The following PDLIM5 variants were observed in gnomAD, a reference collection of about 807,000 sequenced individuals.
PDLIM5 encodes the protein PDZ and LIM domain 5.
Under a neutral mutation model 64.2 loss-of-function variants are expected in PDLIM5, and 34 were observed. That is an observed-to-expected ratio of 0.53 (90% CI 0.40 to 0.71). The LOEUF is 0.71. PDLIM5 is among the 30% of genes least tolerant of loss of function. The probability of loss-of-function intolerance (pLI) is 0.00; values close to 1 mark genes in which losing one functional copy is unlikely to be tolerated. For synonymous variants in PDLIM5, 253 were observed against 269.1 expected, an observed-to-expected ratio of 0.94 and a Z score of 0.59; for missense variants, 683 against 733.6, an observed-to-expected ratio of 0.93 and a Z score of 0.80.
intron 7 of PDLIM5, among the ~76,000 whole-genome samples, chr4:94,589,562 A>G (rs1578430620): frequency 1.3e-5 from 2 of 152,182 alleles, no homozygotes; most frequent in Non-Finnish European, 2.9e-5. Context: ...CAAAAATTAT[A>G]AAAGCTTCTT....
chr4:94,494,432 G>GGTT (rs1553940971), intron 2 of PDLIM5, among the ~76,000 whole-genome samples: 3 of 70,768 alleles, frequency 4.2e-5, no homozygotes, highest in South Asian at 9.3e-4. Flanking sequence ...TTTTTTTCTT[G>GGTT]TTTTTTTTTT....
chr4:94,469,903 T>C (rs1724696414), intron 2 of PDLIM5, among the ~76,000 whole-genome samples: 1 of 152,014 alleles, frequency 6.6e-6, no homozygotes, highest in Non-Finnish European at 1.5e-5. Context: ...AACACATACA[T>C]GATTTTTTTT....
intron 9 of PDLIM5, among the ~76,000 whole-genome samples, chr4:94,644,944 T>G (rs113413611): frequency 0.034 from 5,169 of 152,228 alleles, 314 homozygotes; most frequent in African/African-American, 0.12. Context: ...CATAGGTTTT[T>G]GGGGAACAGG....
chr4:94,457,238 CTTTAA>C (rs2126074161), intron 2 of PDLIM5: 1 of 800,788 alleles, frequency 1.2e-6, no homozygotes, highest in East Asian at 1.3e-4. Context: ...TTAAAGTTAT[CTTTAA>C]TTTATCATCA....
intron 2 of PDLIM5, among the ~76,000 whole-genome samples, chr4:94,479,623 G>A (rs1036079766): frequency 2.2e-4 from 33 of 151,980 alleles, no homozygotes; most frequent in African/African-American, 8.0e-4. Flanking sequence ...GAGCCACTGC[G>A]CCTGGCCAGA....
intron 8 of PDLIM5, among the ~76,000 whole-genome samples, chr4:94,636,963 A>G (rs1353944809): frequency 2.0e-5 from 3 of 152,214 alleles, no homozygotes; most frequent in Middle Eastern, 3.2e-3. Context: ...AAGACTTGGG[A>G]GAAGAAAATG....
chr4:94,610,670 C>T (rs1392347973), intron 7 of PDLIM5, among the ~76,000 whole-genome samples: 4 of 152,074 alleles, frequency 2.6e-5, no homozygotes, highest in Non-Finnish European at 5.9e-5. Context: ...TCTTCTCCCA[C>T]GACCTTTAAA....
intron 3 of PDLIM5, among the ~76,000 whole-genome samples, chr4:94,572,742 T>C (rs1282015161): frequency 6.6e-6 from 1 of 152,240 alleles, no homozygotes; most frequent in Non-Finnish European, 1.5e-5. Context: ...GCATGGTCAT[T>C]GCCTTCTCTG....
intron 3 of PDLIM5, among the ~76,000 whole-genome samples, chr4:94,524,945 A>G (rs1005558621): frequency 3.3e-5 from 5 of 152,186 alleles, no homozygotes; most frequent in Non-Finnish European, 5.9e-5. Flanking sequence ...TAGCTTGATC[A>G]TATACGAGGT....
chr4:94,555,257 A>C (rs1460292882), intron 3 of PDLIM5, among the ~76,000 whole-genome samples: 1 of 151,414 alleles, frequency 6.6e-6, no homozygotes, highest in Non-Finnish European at 1.5e-5. Context: ...TTTCCCCGCC[A>C]TGTTGGCCAG....
chr4:94,579,124 A>T (rs1156774305), intron 5 of PDLIM5: 2 of 154,354 alleles, frequency 1.3e-5, no homozygotes, highest in Non-Finnish European at 2.9e-5. Flanking sequence ...GTCTGTAAGC[A>T]TTCCTGTTCC....
intron 2 of PDLIM5, among the ~76,000 whole-genome samples, chr4:94,479,330 CTTT>C (rs34176254): frequency 2.3e-5 from 3 of 130,976 alleles, no homozygotes; most frequent in African/African-American, 2.9e-5. Flanking sequence ...AGCTTTGAGA[CTTT>C]TTTTTTTTTT....
chr4:94,510,337 C>A (rs1329191638), intron 2 of PDLIM5, among the ~76,000 whole-genome samples: 1 of 152,058 alleles, frequency 6.6e-6, no homozygotes, highest in African/African-American at 2.4e-5. Context: ...TTTGGAAGAT[C>A]TGTGTAAATA....
At chr4:94,650,860 G>A (rs1001984082) in intron 9 of PDLIM5, among the ~76,000 whole-genome samples, 1 of 151,262 alleles carries the variant, frequency 6.6e-6, no homozygotes, top group Admixed American at 6.6e-5. Flanking sequence ...GATAAACAGG[G>A]TGAAAAGTTT....
Position 94,539,621 on chromosome 4 carries a change from G to A in PDLIM5, c.248+15746G>A, listed in dbSNP as rs142375476. On this transcript the variant is annotated intron_variant, in intron 3 of 12. Coordinates refer to ENST00000317968, the MANE Select transcript of PDLIM5 (RefSeq NM_006457.5). ...GACAATATTTATAATACAGGTGGAC[G>A]ATTCTCAGAATGTAGGTATGTACAA... Among the ~76,000 whole-genome samples, 801 of 152,312 alleles carry A rather than the reference G, an allele frequency of 5.3e-3. 7 individuals are homozygous for A. The highest frequency in any genetic ancestry group is 0.018 in the African/African-American group (749 of 41,562).
intron 7 of PDLIM5, among the ~76,000 whole-genome samples, chr4:94,599,106 A>G (rs1165396127): frequency 2.0e-5 from 3 of 152,176 alleles, no homozygotes; most frequent in African/African-American, 4.8e-5. Flanking sequence ...TGAGAGGCCC[A>G]ATATAGGACT....
At chr4:94,491,283 T>C (rs1210563570) in intron 2 of PDLIM5, among the ~76,000 whole-genome samples, 2 of 152,188 alleles carry the variant, frequency 1.3e-5, no homozygotes, top group Admixed American at 6.5e-5. Context: ...TTCAGGTGTT[T>C]GATTAAATCA....
At chr4:94,562,731 A>C (rs1733955148) in intron 3 of PDLIM5, among the ~76,000 whole-genome samples, 1 of 152,300 alleles carries the variant, frequency 6.6e-6, no homozygotes, top group Admixed American at 6.5e-5. Flanking sequence ...TTAGATTCAA[A>C]GAGTGGTGGA....
At chr4:94,476,353 G>A (rs988351103) in intron 2 of PDLIM5, among the ~76,000 whole-genome samples, 17 of 151,920 alleles carry the variant, frequency 1.1e-4, no homozygotes, top group African/African-American at 2.9e-4. Flanking sequence ...CTTTTCTCTC[G>A]CTGTCTTTTT....
Sources: allele counts gnomAD v4.1 joint callset (sites outside exome capture counted in the v4.1 genomes callset), GRCh38; gene constraint gnomAD v4.1.1; transcripts MANE v1.5; gene names NCBI Gene and HGNC (gene_info 2026-07-23, HGNC 2026-07-21).